The following PALM2AKAP2 variants were observed in gnomAD, a reference collection of about 807,000 sequenced individuals.
The protein encoded by PALM2AKAP2 is PALM2 and AKAP2 fusion.
In PALM2AKAP2, 37 loss-of-function variants were observed where a neutral mutation model predicts 71.5. The observed-to-expected ratio is 0.52, with a 90% CI of 0.40 to 0.68. PALM2AKAP2 has a LOEUF of 0.68. PALM2AKAP2 is among the 30% of genes least tolerant of loss of function. PALM2AKAP2 has a pLI of 0.00. For missense variants in PALM2AKAP2, 1,224 were observed against 1,191.8 expected (o/e 1.03, Z -0.40); for synonymous variants, 468 against 478.8 (o/e 0.98, Z 0.29).
intron 1 of PALM2AKAP2, among the ~76,000 whole-genome samples, chr9:109,785,698 T>C (rs938144204): frequency 6.6e-6 from 1 of 152,082 alleles, no homozygotes; most frequent in East Asian, 1.9e-4. Flanking sequence ...AAGAACAGCA[T>C]GGGAAAGACA....
chr9:110,168,235 C>T (rs1425655644), intron 3 of PALM2AKAP2, among the ~76,000 whole-genome samples, 164 bp from the exon 11 acceptor site: 1 of 152,190 alleles, frequency 6.6e-6, no homozygotes, highest in East Asian at 1.9e-4. Context: ...TAACCAGAAC[C>T]TCCCATTCCC....
At chr9:109,655,597 C>G (rs755953544) in intron 1 of PALM2AKAP2, among the ~76,000 whole-genome samples, 1 of 152,146 alleles carries the variant, frequency 6.6e-6, no homozygotes, top group African/African-American at 2.4e-5. Context: ...CATCATCTCC[C>G]TATTCTCCCC....
At chr9:109,660,906 T>C (rs1326554350) in intron 1 of PALM2AKAP2, among the ~76,000 whole-genome samples, 2 of 152,230 alleles carry the variant, frequency 1.3e-5, no homozygotes, top group Non-Finnish European at 2.9e-5. Flanking sequence ...TTTGCATTTC[T>C]CTGATGACCA....
intron 1 of PALM2AKAP2, among the ~76,000 whole-genome samples, chr9:109,699,821 C>G (rs1222449195): frequency 1.3e-5 from 2 of 150,524 alleles, no homozygotes; most frequent in Non-Finnish European, 2.9e-5. Flanking sequence ...GTCGCCCAGG[C>G]TGGAGTGCAG....
intron 5 of PALM2AKAP2, among the ~76,000 whole-genome samples, chr9:109,927,457 C>G (rs371538234): frequency 2.6e-5 from 4 of 152,184 alleles, no homozygotes; most frequent in East Asian, 1.9e-4. Context: ...GTGCAGATTA[C>G]AGAATCCAGG....
Position 110,157,390 on chromosome 9 carries a change from T to TTTGTTGTTG in PALM2AKAP2, c.2748+912_2748+920dup, listed in dbSNP as rs56310157. On this transcript the variant is annotated intron_variant, in intron 3 of 3. Transcript: ENST00000374525. Reference sequence around the variant, plus strand: ...GGTTATTAATATCCCCTTCAACTCTTTTGTTGTTGTTGTTGTTGTTGTTGT... The same window carrying TTTGTTGTTG: ...GGTTATTAATATCCCCTTCAACTCTTTTGTTGTTGTTGTTGTTGTTGTTGTTGTTGTTGT... Among the ~76,000 whole-genome samples the TTTGTTGTTG allele has an allele frequency of 7.2e-3, 1,083 of 149,796 alleles. 16 individuals carry two copies. The highest frequency in any genetic ancestry group is 0.025 in the African/African-American group (999 of 40,488).
upstream of PALM2AKAP2, among the ~76,000 whole-genome samples, chr9:109,775,449 A>G (rs1829334865): frequency 6.6e-6 from 1 of 152,236 alleles, no homozygotes; most frequent in Admixed American, 6.5e-5. Context: ...CCCATGGAGA[A>G]AAATAGCATA....
chr9:110,156,497 T>C (rs1215900434), exon 3 of PALM2AKAP2: 5 of 1,595,430 alleles, frequency 3.1e-6, no homozygotes, highest in Middle Eastern at 1.7e-4. Context: ...ATGATAGTAG[T>C]GTAAGTTTTT....
intron 1 of PALM2AKAP2, among the ~76,000 whole-genome samples, chr9:109,818,698 G>C (rs1827913346): frequency 6.6e-6 from 1 of 152,134 alleles, no homozygotes; most frequent in South Asian, 2.1e-4. Context: ...GGGATTAAGG[G>C]TTTCTCTTGA....
At chr9:110,098,288 T>G (rs1314203766) in intron 1 of PALM2AKAP2, among the ~76,000 whole-genome samples, 1 of 152,176 alleles carries the variant, frequency 6.6e-6, no homozygotes. Context: ...TAGTACCAGT[T>G]TCATAGATTT....
At chr9:109,663,123 A>G (rs1587858466) in intron 1 of PALM2AKAP2, among the ~76,000 whole-genome samples, 1 of 151,846 alleles carries the variant, frequency 6.6e-6, no homozygotes, top group Non-Finnish European at 1.5e-5. Flanking sequence ...AATTTTGTTG[A>G]TCTTTTCAAA....
At chr9:109,878,687 T>C (rs1829771740) in intron 2 of PALM2AKAP2, among the ~76,000 whole-genome samples, 1 of 152,162 alleles carries the variant, frequency 6.6e-6, no homozygotes, top group Admixed American at 6.5e-5. Flanking sequence ...GACTTCTCAA[T>C]AGAATGGTGA....
At chr9:109,666,791 G>C (rs572793678) in intron 1 of PALM2AKAP2, among the ~76,000 whole-genome samples, 2 of 152,342 alleles carry the variant, frequency 1.3e-5, no homozygotes, top group East Asian at 3.9e-4. Flanking sequence ...GCAAAAGCTG[G>C]ACAAAGGTGG....
At chr9:110,145,827 A>G (rs1202790261) in intron 2 of PALM2AKAP2, among the ~76,000 whole-genome samples, 2 of 141,298 alleles carry the variant, frequency 1.4e-5, no homozygotes, top group Non-Finnish European at 3.1e-5. Context: ...CTCTTTAGAT[A>G]TTACCCTTAA....
intron 1 of PALM2AKAP2, among the ~76,000 whole-genome samples, chr9:109,701,810 C>G (rs1310564472): frequency 6.6e-6 from 1 of 152,146 alleles, no homozygotes; most frequent in Non-Finnish European, 1.5e-5. Flanking sequence ...AACAGTCAAC[C>G]TACAGAATGG....
At chr9:109,915,986 C>T (rs2131916030) in intron 3 of PALM2AKAP2, among the ~76,000 whole-genome samples, 1 of 152,178 alleles carries the variant, frequency 6.6e-6, no homozygotes, top group East Asian at 1.9e-4. Flanking sequence ...CACTGTCGCC[C>T]AGGCTAGAGT....
intron 2 of PALM2AKAP2, among the ~76,000 whole-genome samples, chr9:109,869,046 T>C (rs756156675): frequency 2.3e-4 from 35 of 152,168 alleles, no homozygotes; most frequent in Non-Finnish European, 4.6e-4. Flanking sequence ...AAAACCTCAG[T>C]GAATTTCTGG....
intron 1 of PALM2AKAP2, among the ~76,000 whole-genome samples, chr9:109,864,401 A>G (rs1829392245): frequency 6.6e-6 from 1 of 152,170 alleles, no homozygotes; most frequent in Non-Finnish European, 1.5e-5. Context: ...CCCAGATCCT[A>G]TTAGTTTTGA....
At chr9:109,909,833 T>C (rs10980113) in intron 3 of PALM2AKAP2, among the ~76,000 whole-genome samples, 2 of 152,198 alleles carry the variant, frequency 1.3e-5, no homozygotes, top group African/African-American at 4.8e-5. Flanking sequence ...ATGAGCAAAG[T>C]CATTGAGCCA....
Sources: allele counts gnomAD v4.1 joint callset (sites outside exome capture counted in the v4.1 genomes callset), GRCh38; gene constraint gnomAD v4.1.1; transcripts MANE v1.5; gene names NCBI Gene and HGNC (gene_info 2026-07-23, HGNC 2026-07-21).